PRH1: variants seen among roughly 807,000 people sequenced by gnomAD.
PRH1 encodes proline rich protein HaeIII subfamily 1, also known as salivary acidic proline-rich phosphoprotein 1/2.
PRH1 carries 7 observed loss-of-function variants against 7.9 expected under a neutral mutation model. That is an observed-to-expected ratio of 0.89 (90% CI 0.50 to 1.67). The LOEUF (loss-of-function observed/expected upper bound fraction) is 1.67. PRH1 is among the 40% of genes most tolerant of loss of function. The probability of loss-of-function intolerance (pLI) is 0.00; values close to 1 mark genes in which losing one functional copy is unlikely to be tolerated. For synonymous variants in PRH1, 45 were observed against 80.8 expected (o/e 0.56, Z 2.38); for missense variants, 109 against 223.6 (o/e 0.49, Z 3.27).
At chr12:10,980,113 C>G (rs1432905325) in intron 1 of PRH1, among the ~76,000 whole-genome samples, 1 of 151,962 alleles carries the variant, frequency 6.6e-6, no homozygotes, top group Admixed American at 6.6e-5. Flanking sequence ...ATGAACTTAC[C>G]TAAAAAGTAA....
intron 2 of PRH1, chr12:10,938,937 C>G: frequency 6.2e-7 from 1 of 1,613,930 alleles, no homozygotes; most frequent in South Asian, 1.1e-5. Flanking sequence ...TGATTGATCA[C>G]TGTCCAGATA....
intron 1 of PRH1, among the ~76,000 whole-genome samples, chr12:11,019,725 G>C (rs1393413558): frequency 6.6e-6 from 1 of 152,282 alleles, no homozygotes; most frequent in African/African-American, 2.4e-5. Context: ...AAGTTTGCTA[G>C]CTTTTATTTT....
chr12:11,030,284 G>C (rs1273432587), intron 1 of PRH1: 1 of 1,489,842 alleles, frequency 6.7e-7, no homozygotes, highest in East Asian at 2.3e-5. Flanking sequence ...GGCTTTTCTA[G>C]GTATACGTTG....
chr12:11,029,632 T>G (rs1255380197), intron 1 of PRH1, among the ~76,000 whole-genome samples: 1 of 152,264 alleles, frequency 6.6e-6, no homozygotes, highest in Non-Finnish European at 1.5e-5. Flanking sequence ...CGTTTCTAAC[T>G]GCATATGCAT....
intron 1 of PRH1, among the ~76,000 whole-genome samples, chr12:10,982,312 G>A (rs967050499): frequency 2.6e-5 from 4 of 152,164 alleles, no homozygotes; most frequent in Non-Finnish European, 4.4e-5. Context: ...GGGGGCGGTC[G>A]TCCATTTTAT....
At chr12:10,991,164 G>A (rs1036003595) in intron 1 of PRH1, among the ~76,000 whole-genome samples, 4 of 152,096 alleles carry the variant, frequency 2.6e-5, no homozygotes, top group African/African-American at 9.7e-5. Context: ...CCTAAGAAGT[G>A]GGAGTAAAAA....
At chr12:11,071,690 C>A (rs1481700299) in intron 1 of PRH1, among the ~76,000 whole-genome samples, 2 of 150,580 alleles carry the variant, frequency 1.3e-5, no homozygotes, top group Non-Finnish European at 3.0e-5. Context: ...CAAGTTGGGG[C>A]GGCAGCTGAC....
rs34115566 is a variant in PRH1, at chr12:11,091,097, T to TACACACAC, written n.124-43917_124-43910dup. 6.1e-4 allele frequency among the ~76,000 whole-genome samples: 20 copies of TACACACAC among 32,596 alleles called. 4 individuals are homozygous for TACACACAC. Among genetic ancestry groups the TACACACAC allele is most frequent in the Admixed American group, 1.4e-3 (3 of 2,208 alleles). The allele number at this position is 32,596 out of a possible 152,430, so 21.4% of individuals were successfully genotyped here. On this transcript the variant is annotated intron_variant and non_coding_transcript_variant, in intron 1 of 4. Transcript: ENST00000541977. Reference sequence around the variant, plus strand: ...TCAATGTTAAGTTTTCATACACAAATACACACACACACACACACATATATA... The same window carrying TACACACAC: ...TCAATGTTAAGTTTTCATACACAAATACACACACACACACACACACACACACATATATA...
intron 1 of PRH1, among the ~76,000 whole-genome samples, chr12:11,041,676 C>A (rs1033950963): frequency 1.3e-5 from 2 of 152,148 alleles, no homozygotes; most frequent in Non-Finnish European, 2.9e-5. Flanking sequence ...GCAGAATAAA[C>A]ATTCTTTTCC....
chr12:10,888,062 AC>A (rs1448966073), upstream of PRH1, among the ~76,000 whole-genome samples: 1 of 152,184 alleles, frequency 6.6e-6, no homozygotes, highest in Non-Finnish European at 1.5e-5. Flanking sequence ...CTAGAGAAGC[AC>A]CCATTTTTTG....
At chr12:10,932,904 T>C (rs1950234468) in intron 2 of PRH1, among the ~76,000 whole-genome samples, 1 of 151,500 alleles carries the variant, frequency 6.6e-6, no homozygotes, top group Admixed American at 6.6e-5. Context: ...CCAGGAGTAT[T>C]GAAAAAAAAG....
At chr12:11,061,166 T>G (rs1425685389) in intron 1 of PRH1, among the ~76,000 whole-genome samples, 1 of 151,848 alleles carries the variant, frequency 6.6e-6, no homozygotes, top group Non-Finnish European at 1.5e-5. Context: ...CTTTTGTTTT[T>G]CATACAAACA....
At chr12:11,058,534 G>A (rs1943457036) in intron 1 of PRH1, among the ~76,000 whole-genome samples, 1 of 152,288 alleles carries the variant, frequency 6.6e-6, no homozygotes, top group Non-Finnish European at 1.5e-5. Flanking sequence ...TTCCACATTT[G>A]AGAATATTGC....
Position 10,908,185 on chromosome 12 carries a change from T to C in PRH1, c.-58-23910A>G, listed in dbSNP as rs1375255355. ...CAAATAAGTTTCAAATTCCTAATAA[T>C]GTAGAAATACATGTCATAAATACAT... On this transcript the variant is annotated intron_variant, in intron 2 of 3. Transcript: ENST00000539853. 1.2e-4 allele frequency: 54 copies of C among 468,776 alleles called. No homozygotes were observed. In the East Asian group the frequency reaches 1.7e-3, roughly 15 times the overall value. 29.0% of individuals were successfully genotyped at this position (468,776 alleles called of 1,614,324 possible).
chr12:11,147,052 C>T (rs1229245870), intron 1 of PRH1, among the ~76,000 whole-genome samples: 4 of 152,144 alleles, frequency 2.6e-5, no homozygotes, highest in Non-Finnish European at 4.4e-5. Context: ...TGTTAATTTT[C>T]TATATGTATT....
intron 1 of PRH1, among the ~76,000 whole-genome samples, chr12:10,995,019 C>T (rs1940147733): frequency 6.6e-6 from 1 of 152,044 alleles, no homozygotes; most frequent in Non-Finnish European, 1.5e-5. Flanking sequence ...GTGATATTTC[C>T]CCTAGAATTG....
intron 1 of PRH1, among the ~76,000 whole-genome samples, chr12:11,104,273 C>T (rs1473849606): frequency 6.6e-6 from 1 of 151,372 alleles, no homozygotes; most frequent in South Asian, 2.1e-4. Context: ...ATTTTCCTCC[C>T]TTCTGACTAT....
Position 10,970,081 on chromosome 12 carries a change from C to T in PRH1, c.-59+3574G>A, listed in dbSNP as rs148697293. Among the ~76,000 whole-genome samples the T allele has an allele frequency of 2.9e-3, 436 of 152,272 alleles. 1 individual carries two copies. Among genetic ancestry groups the T allele is most frequent in the Middle Eastern group, 0.02 (6 of 294 alleles). Reference sequence around the variant, plus strand: ...CCTCCCAAAGTGTTGGGATTACAGACGTGAGCCACTGCACCTGGTCCCTTG... The same window carrying T: ...CCTCCCAAAGTGTTGGGATTACAGATGTGAGCCACTGCACCTGGTCCCTTG... On this transcript the variant is annotated intron_variant, in intron 2 of 3. Transcript: ENST00000539853.
At chr12:11,114,463 T>C (rs1476515198) in intron 1 of PRH1, among the ~76,000 whole-genome samples, 1 of 152,052 alleles carries the variant, frequency 6.6e-6, no homozygotes, top group Non-Finnish European at 1.5e-5. Flanking sequence ...TGAGAACACA[T>C]GGACACAGGG....
Sources: gnomAD v4.1 joint callset for allele counts (sites outside exome capture counted in the v4.1 genomes callset) on GRCh38, gnomAD v4.1.1 for gene constraint, MANE v1.5 for transcripts, NCBI Gene and HGNC (gene_info 2026-07-23, HGNC 2026-07-21) for gene names.